Variants in MAP4 observed in about 807,000 individuals in gnomAD.
The protein encoded by MAP4 is microtubule associated protein 4.
A neutral mutation model predicts 170.2 loss-of-function variants in MAP4; 76 were observed. The ratio of observed to expected loss-of-function variants is 0.45; its 90% CI spans 0.37 to 0.54. The LOEUF (loss-of-function observed/expected upper bound fraction) is 0.54. Ranked by LOEUF, MAP4 falls within the 20% of genes least tolerant of loss-of-function variation. MAP4 has a pLI of 0.00. For synonymous variants in MAP4, 909 were observed against 994.5 expected (o/e 0.91, Z 1.62); for missense variants, 2,506 against 2,748.0 (o/e 0.91, Z 1.97).
intron 1 of MAP4, among the ~76,000 whole-genome samples, chr3:48,037,717 C>A (rs1417442799): frequency 2.0e-5 from 3 of 152,098 alleles, no homozygotes; most frequent in African/African-American, 7.2e-5. Flanking sequence ...GTACCTACCC[C>A]TCAACCTACC....
chr3:47,970,621 C>T (rs1026028567), intron 3 of MAP4, among the ~76,000 whole-genome samples: 6 of 151,968 alleles, frequency 3.9e-5, no homozygotes, highest in African/African-American at 1.2e-4. Flanking sequence ...ACCAGCCTGG[C>T]CAACATGGTG....
chr3:47,898,088 C>A (rs1434486358), intron 10 of MAP4, among the ~76,000 whole-genome samples: 1 of 152,144 alleles, frequency 6.6e-6, no homozygotes, highest in Non-Finnish European at 1.5e-5. Context: ...TTCTATGGTG[C>A]CTTAGCACTG....
chr3:47,875,594 G>T, intron 12 of MAP4, 91 bp downstream of exon 12: 2 of 1,190,314 alleles, frequency 1.7e-6, no homozygotes, highest in African/African-American at 1.5e-5. Flanking sequence ...CCACCAGCCT[G>T]ATTCTGTTGT....
intron 1 of MAP4, among the ~76,000 whole-genome samples, chr3:48,012,263 T>C (rs1322467369): frequency 2.6e-5 from 4 of 152,184 alleles, no homozygotes; most frequent in Non-Finnish European, 5.9e-5. Flanking sequence ...ATGTTCTCTC[T>C]TTTTGCTAAG....
intron 1 of MAP4, among the ~76,000 whole-genome samples, chr3:48,025,692 A>G (rs2100112686): frequency 6.6e-6 from 1 of 151,806 alleles, no homozygotes; most frequent in African/African-American, 2.4e-5. Context: ...TGAGGTCAGG[A>G]GTTCAAGACC....
intron 2 of MAP4, among the ~76,000 whole-genome samples, chr3:47,997,059 C>A (rs1445587219): frequency 1.3e-5 from 2 of 151,080 alleles, no homozygotes; most frequent in Non-Finnish European, 3.0e-5. Context: ...AAGAAAGTAC[C>A]CAAAGTAAAA....
At chr3:47,866,250 T>A (rs757501159) in intron 17 of MAP4, among the ~76,000 whole-genome samples, 1 of 151,466 alleles carries the variant, frequency 6.6e-6, no homozygotes, top group African/African-American at 2.4e-5. Context: ...GGCAGGAGAA[T>A]TGACTGACCC....
intron 19 of MAP4, among the ~76,000 whole-genome samples, chr3:47,853,901 A>C (rs961772032): frequency 6.6e-6 from 1 of 152,166 alleles, no homozygotes; most frequent in African/African-American, 2.4e-5. Flanking sequence ...AAAGGTGTCC[A>C]AGGAGGTATA....
At position 47,916,442 on chromosome 3, in the gene MAP4, T is replaced by C; in HGVS notation, c.1385A>G (p.Lys462Arg). ...TGCTTCTAAAGGTAGTGCTTTATCC[T>C]TGGTCAAGATCACGTTGGTTTCCGG... is the stretch of plus-strand genomic sequence containing the variant. Reference protein sequence around the residue: ...LPPETNVILTKDKALPLEAEV... With the variant: ...LPPETNVILTRDKALPLEAEV... The change falls in exon 7 of 21, where the codon AAG becomes AGG. Residue 462 changes from lysine to arginine, a missense_variant. Physicochemically the swap from Lys to Arg is conservative, Grantham distance 26. Around this residue, in one of 3 missense-constraint regions of MAP4, gnomAD observed 2,008 missense variants for 2,206.0 expected, o/e 0.91. Coordinates refer to ENST00000683076, the MANE Select transcript of MAP4 (RefSeq NM_001385682.1). 6.2e-7 allele frequency: 1 copy of C among 1,614,204 alleles called. No homozygotes were observed. The highest frequency in any genetic ancestry group is 8.5e-7 in the Non-Finnish European group (1 of 1,180,036).
intron 2 of MAP4, among the ~76,000 whole-genome samples, chr3:47,989,842 C>A (rs1201090473): frequency 1.3e-5 from 2 of 152,154 alleles, no homozygotes; most frequent in African/African-American, 4.8e-5. Context: ...CCCAGAGAAC[C>A]CCCATTTCAT....
intron 3 of MAP4, chr3:47,973,827 C>A: frequency 1.0e-6 from 1 of 985,332 alleles, no homozygotes. Flanking sequence ...TAACTGTACA[C>A]CAAAGGGAAA....
intron 1 of MAP4, among the ~76,000 whole-genome samples, chr3:48,061,285 C>A (rs2100135100): frequency 6.6e-6 from 1 of 151,766 alleles, no homozygotes; most frequent in Non-Finnish European, 1.5e-5. Flanking sequence ...CTCACTGCAA[C>A]CTCCCTGCCT....
At chr3:47,879,567 G>C (rs553547242) in intron 10 of MAP4, among the ~76,000 whole-genome samples, 2 of 152,250 alleles carry the variant, frequency 1.3e-5, no homozygotes, top group African/African-American at 2.4e-5. Context: ...AAGAAACAGA[G>C]ACAACCCACA....
chr3:47,870,476 G>A (rs2089599622), intron 15 of MAP4, among the ~76,000 whole-genome samples: 1 of 152,174 alleles, frequency 6.6e-6, no homozygotes, highest in African/African-American at 2.4e-5. Context: ...CTAGGCTCAT[G>A]TCAAGTGTCT....
At chr3:47,891,768 G>GTCTCTA in intron 10 of MAP4, 1 of 1,536,462 alleles carries the variant, frequency 6.5e-7, no homozygotes, top group Admixed American at 2.0e-5. Flanking sequence ...TCAATAATGG[G>GTCTCTA]GGCTGGGTGG....
intron 3 of MAP4, among the ~76,000 whole-genome samples, chr3:47,964,591 C>G (rs568915274): frequency 6.6e-6 from 1 of 152,122 alleles, no homozygotes; most frequent in African/African-American, 2.4e-5. Context: ...ATGGAGATTT[C>G]AAGCTCGAAT....
chr3:48,076,454 A>G (rs1040472906), intron 1 of MAP4, among the ~76,000 whole-genome samples: 11 of 151,624 alleles, frequency 7.3e-5, no homozygotes, highest in Admixed American at 3.3e-4. Context: ...GTGAGCAGAG[A>G]TCGCACCACT....
In MAP4 at chr3:47,910,419, T is replaced by A. The variant is rs2100035407; in HGVS notation, c.4002A>T (p.Gly1334=). Reference sequence around the variant, plus strand: ...CCTCAGATACTACTGAAGGAACAAATCCTGCCCCCTGGATTTGCTCTTGGC... The same window carrying A: ...CCTCAGATACTACTGAAGGAACAAAACCTGCCCCCTGGATTTGCTCTTGGC... ...VSCQEQIQGA[G]FVPSVVSEEN... is the part of the protein sequence containing the mutation. The change falls in exon 9 of 21, where the codon GGA becomes GGT. Residue 1334 remains glycine (G), a synonymous_variant. Transcript: ENST00000683076. 1.3e-6 allele frequency: 2 copies of A among 1,536,264 alleles called. No individual in the cohort carries two copies.
chr3:47,899,493 C>A (rs899295312), intron 10 of MAP4, among the ~76,000 whole-genome samples: 4 of 152,176 alleles, frequency 2.6e-5, no homozygotes, highest in Admixed American at 1.3e-4. Context: ...TCTCTTTGAA[C>A]CCCTCCTGAG....
Sources: gnomAD v4.1 joint callset for allele counts (sites outside exome capture counted in the v4.1 genomes callset) on GRCh38, gnomAD v4.1.1 for gene constraint, gnomAD v4.1.1 regional missense constraint, MANE v1.5 for transcripts, NCBI Gene and HGNC (gene_info 2026-07-23, HGNC 2026-07-21) for gene names.